The following USP48 variants were observed in gnomAD, a reference collection of about 807,000 sequenced individuals.
USP48 encodes ubiquitin specific peptidase 48.
In USP48, 43 loss-of-function variants were observed where a neutral mutation model predicts 150.7. The ratio of observed to expected loss-of-function variants is 0.29; its 90% CI spans 0.22 to 0.37. USP48 has a LOEUF of 0.37. Among genes scored for constraint, USP48 ranks in the 10% least tolerant of loss-of-function variants. USP48 has a pLI of 1.00. For missense variants in USP48, 813 were observed against 1,249.6 expected (o/e 0.65, Z 5.27); for synonymous variants, 396 against 425.9 (o/e 0.93, Z 0.86).
In USP48 at chr1:21,680,790, A is replaced by AT; in HGVS notation, c.3085+17dup. On this transcript the variant is annotated intron_variant, in intron 26 of 26. Coordinates refer to ENST00000308271, the MANE Select transcript of USP48 (RefSeq NM_032236.8). ...TGACTCTGACATTCATGAACAAAACATGACAAATGTAACTTACCTTTAAAC... is the reference window on the plus strand; with the variant it reads ...TGACTCTGACATTCATGAACAAAACATTGACAAATGTAACTTACCTTTAAAC... The AT allele has an allele frequency of 1.3e-6, 2 of 1,585,492 alleles. No homozygotes were observed. Among genetic ancestry groups the AT allele is most frequent in the Non-Finnish European group, 1.7e-6 (2 of 1,171,326 alleles).
intron 25 of USP48, chr1:21,686,510 C>T (rs2097580631): frequency 6.6e-6 from 1 of 152,024 alleles, no homozygotes; most frequent in Admixed American, 6.6e-5. Context: ...ATCCTTGCAT[C>T]CCTGGGAGAA....
intron 25 of USP48, among the ~76,000 whole-genome samples, chr1:21,683,672 T>G (rs1306165187): frequency 6.6e-6 from 1 of 152,188 alleles, no homozygotes; most frequent in East Asian, 1.9e-4. Context: ...GAACATTGCA[T>G]TATCTTTTCT....
chr1:21,746,944 G>A, intron 8 of USP48, 123 bp downstream of exon 8: 1 of 677,194 alleles, frequency 1.5e-6, no homozygotes, highest in Non-Finnish European at 2.4e-6. Context: ...CCAGACAGAG[G>A]TTCCCAGAGA....
chr1:21,710,735 A>G (rs2097687883), intron 15 of USP48, among the ~76,000 whole-genome samples: 1 of 151,578 alleles, frequency 6.6e-6, no homozygotes, highest in Admixed American at 6.6e-5. Flanking sequence ...CCAGGTTAAA[A>G]TGATGTTTAA....
At chr1:21,734,335 G>A (rs967493936) in intron 9 of USP48, among the ~76,000 whole-genome samples, 2 of 152,094 alleles carry the variant, frequency 1.3e-5, no homozygotes, top group African/African-American at 4.8e-5. Context: ...GGAGTTCGAG[G>A]CTGCAGTGAG....
At chr1:21,760,160 T>C (rs562348016) in intron 1 of USP48, among the ~76,000 whole-genome samples, 1 of 152,276 alleles carries the variant, frequency 6.6e-6, no homozygotes, top group Non-Finnish European at 1.5e-5. Context: ...AGGGACTTTA[T>C]ACAAAATAAG....
intron 1 of USP48, among the ~76,000 whole-genome samples, chr1:21,764,650 G>T (rs1385721549): frequency 6.7e-6 from 1 of 148,880 alleles, no homozygotes; most frequent in African/African-American, 2.5e-5. Context: ...AGGTTGCAGT[G>T]AGCCGAGATC....
At chr1:21,743,181 G>C (rs1355707312) in intron 8 of USP48, among the ~76,000 whole-genome samples, 1 of 152,100 alleles carries the variant, frequency 6.6e-6, no homozygotes, top group African/African-American at 2.4e-5. Flanking sequence ...GGGTAAGGAA[G>C]AGGGGAAGAG....
intron 23 of USP48, among the ~76,000 whole-genome samples, chr1:21,694,607 A>AAAT (rs57530387): frequency 1.7e-5 from 1 of 60,166 alleles, no homozygotes. Context: ...AAAAAAAAAA[A>AAAT]CCCCCTCTAT....
intron 2 of USP48, chr1:21,756,951 C>A: frequency 2.0e-6 from 2 of 985,380 alleles, no homozygotes; most frequent in Non-Finnish European, 2.4e-6. Flanking sequence ...TCGTCTTCTC[C>A]AGCCACTTAA....
At chr1:21,772,547 C>T (rs540825301) in intron 1 of USP48, among the ~76,000 whole-genome samples, 3 of 150,504 alleles carry the variant, frequency 2.0e-5, no homozygotes, top group East Asian at 3.9e-4. Flanking sequence ...GGTGTGAACC[C>T]GGGAGGCGGA....
rs148195247 is a variant in USP48, at chr1:21,733,278, G to A, written c.1171+3168C>T. ...TAAAAATACAAAAAATTGGTCAGGC[G>A]TGGTGGCACGTGCCTGTAATCCTAG... is the stretch of plus-strand genomic sequence containing the variant. On this transcript the variant is annotated intron_variant, in intron 9 of 26. Coordinates refer to ENST00000308271, the MANE Select transcript of USP48 (RefSeq NM_032236.8). Among the ~76,000 whole-genome samples the A allele has an allele frequency of 2.2e-3, 333 of 152,178 alleles. 2 individuals are homozygous for A. The highest frequency in any genetic ancestry group is 6.9e-3 in the African/African-American group (287 of 41,508).
At chr1:21,682,614 C>T (rs147156498) in intron 25 of USP48, among the ~76,000 whole-genome samples, 28 of 152,182 alleles carry the variant, frequency 1.8e-4, no homozygotes, top group African/African-American at 6.5e-4. Flanking sequence ...TAGTGGCTCA[C>T]GCCTGTAATC....
At position 21,701,549 on chromosome 1, in the gene USP48, C is replaced by T; in HGVS notation, c.2676G>A (p.Glu892=). The T allele has an allele frequency of 6.2e-7, 1 of 1,613,974 alleles. No individual in the cohort carries two copies. Among genetic ancestry groups the T allele is most frequent in the Non-Finnish European group, 8.5e-7 (1 of 1,179,932 alleles). The change falls in exon 22 of 27, where the codon GAG becomes GAA. Residue 892 remains glutamate (E), a synonymous_variant. Transcript: ENST00000308271. The part of the protein sequence containing the change: ...ELNVSSSETE[E]DKEEAKPDGE... ...CATCTGGTTTAGCTTCTTCCTTGTC[C>T]TCCTCTGTTTCAGAACTACTCACAT...
intron 23 of USP48, among the ~76,000 whole-genome samples, chr1:21,690,586 C>A (rs992393739): frequency 4.6e-5 from 7 of 151,878 alleles, no homozygotes; most frequent in African/African-American, 1.7e-4. Flanking sequence ...TGCAGTGGCG[C>A]GATCATGGCT....
intron 22 of USP48, among the ~76,000 whole-genome samples, chr1:21,701,279 T>A (rs2097655626): frequency 6.8e-6 from 1 of 146,334 alleles, no homozygotes; most frequent in Non-Finnish European, 1.5e-5. Flanking sequence ...GGCAGGAGAA[T>A]CATTTAAACC....
At chr1:21,718,564 C>CT (rs5772963) in intron 14 of USP48, among the ~76,000 whole-genome samples, 69,896 of 146,808 alleles carry the variant, frequency 0.48, 16,826 homozygotes, top group East Asian at 0.65. Flanking sequence ...AGGCCTTTTT[C>CT]TTTTTTTTTT....
At chr1:21,712,792 C>T (rs2097693795) in intron 15 of USP48, among the ~76,000 whole-genome samples, 1 of 151,892 alleles carries the variant, frequency 6.6e-6, no homozygotes, top group Non-Finnish European at 1.5e-5. Flanking sequence ...TGACATCCAG[C>T]TAATTTTTGT....
Position 21,721,268 on chromosome 1 carries a change from A to G in USP48, c.1764-102T>C, listed in dbSNP as rs1393463640. Reference sequence around the variant, plus strand: ...AACTAAAGTGAATTACAAACACTCAACATCAGCTACTGTACATGTAATTGA... The same window carrying G: ...AACTAAAGTGAATTACAAACACTCAGCATCAGCTACTGTACATGTAATTGA... On this transcript the variant is annotated intron_variant, in intron 13 of 26. Transcript: ENST00000308271. 20 of 1,454,444 alleles carry G rather than the reference A, an allele frequency of 1.4e-5. No individual in the cohort carries two copies. The South Asian group carries it at 1.5e-4, about 11-fold the overall frequency. The allele number at this position is 1,454,444 out of a possible 1,614,324, so 90.1% of individuals were successfully genotyped here. A position where few individuals can be genotyped will look rare whatever the true frequency, so the allele number is the denominator to read the frequency against.
Sources: gnomAD v4.1 joint callset for allele counts (sites outside exome capture counted in the v4.1 genomes callset) on GRCh38, gnomAD v4.1.1 for gene constraint, MANE v1.5 for transcripts, NCBI Gene and HGNC (gene_info 2026-07-23, HGNC 2026-07-21) for gene names.